Variants in PRSS54 observed in about 807,000 individuals in gnomAD.
PRSS54 encodes the protein inactive serine protease 54.
Under a neutral mutation model 19.9 loss-of-function variants are expected in PRSS54, and 16 were observed. That is an observed-to-expected ratio of 0.80 (90% CI 0.54 to 1.22). The LOEUF (loss-of-function observed/expected upper bound fraction) is 1.22. Among genes scored for constraint, PRSS54 ranks in the 50% most tolerant of loss-of-function variants. The pLI is 0.00. For missense variants in PRSS54, 444 were observed against 494.8 expected (o/e 0.90, Z 0.97); for synonymous variants, 177 against 195.8 (o/e 0.90, Z 0.80).
chr16:58,292,733 G>A (rs1217877833), intron 3 of PRSS54, among the ~76,000 whole-genome samples: 3 of 152,152 alleles, frequency 2.0e-5, no homozygotes, highest in African/African-American at 2.4e-5. Flanking sequence ...GGCAATCTAC[G>A]GTGCAAGGCA....
At chr16:58,294,513 G>A (rs1183138594) in intron 1 of PRSS54, among the ~76,000 whole-genome samples, 1 of 152,082 alleles carries the variant, frequency 6.6e-6, no homozygotes, top group South Asian at 2.1e-4. Context: ...ACCACGCCCA[G>A]CTAATTTTTG....
At chr16:58,291,889 G>A (rs745694050) in intron 3 of PRSS54, among the ~76,000 whole-genome samples, 2 of 152,050 alleles carry the variant, frequency 1.3e-5, no homozygotes, top group African/African-American at 4.8e-5. Flanking sequence ...CACTGTGATG[G>A]CTAGTAGTAT....
Position 58,285,978 on chromosome 16 carries a change from A to G in PRSS54, c.481T>C (p.Leu161=), listed in dbSNP as rs1266846799. ...CATCCTGACACCCAGCAGTTCTGCA[A>G]GACTGGTGGTGTATGCAGCATTCTG... ...LGRMLHTPPV[L]QNCWVSGWNP... The change falls in exon 5 of 7, where the codon TTG becomes CTG. Residue 161 remains leucine, a synonymous_variant. Coordinates refer to ENST00000567164, the MANE Select transcript of PRSS54 (RefSeq NM_001305173.2). The G allele has an allele frequency of 6.2e-7, 1 of 1,614,168 alleles. No individual in the cohort carries two copies. The highest frequency in any genetic ancestry group is 8.5e-7 in the Non-Finnish European group (1 of 1,180,016).
At position 58,290,959 on chromosome 16, in the gene PRSS54, C is replaced by G; in HGVS notation, c.263G>C (p.Arg88Thr). 1 of 1,614,152 alleles carries G rather than the reference C, an allele frequency of 6.2e-7. No individual in the cohort carries two copies. The highest frequency in any genetic ancestry group is 1.1e-5 in the South Asian group (1 of 91,076). The change falls in exon 4 of 7, where the codon AGG (arginine) becomes ACG (threonine). Residue 88 changes from arginine to threonine, a missense_variant and splice_region_variant. Arg to Thr is a moderately conservative substitution (Grantham distance 71, BLOSUM62 -1). Transcript: ENST00000567164. The part of the protein sequence containing the change: ...VLSIASAIQN[R>T]KDIVVIVGIS... Reference sequence around the variant, plus strand: ...GGGCCCCAAAGGCAGGGGCACTGGCCTGTTCTGAATGGCGGATGCGATGCT... The same window carrying G: ...GGGCCCCAAAGGCAGGGGCACTGGCGTGTTCTGAATGGCGGATGCGATGCT...
intron 6 of PRSS54, chr16:58,283,173 T>C (rs1964825059): frequency 6.6e-6 from 1 of 152,228 alleles, no homozygotes; most frequent in Admixed American, 6.5e-5. Flanking sequence ...TCTGCTTTTG[T>C]TGGGTTTCAG....
intron 4 of PRSS54, among the ~76,000 whole-genome samples, chr16:58,287,821 A>G (rs1231661451): frequency 1.3e-5 from 2 of 152,134 alleles, no homozygotes; most frequent in Non-Finnish European, 1.5e-5. Flanking sequence ...ATCTTAATTA[A>G]GTTTGGCTGT....
At chr16:58,294,499 C>T (rs1965104744) in intron 1 of PRSS54, among the ~76,000 whole-genome samples, 1 of 152,058 alleles carries the variant, frequency 6.6e-6, no homozygotes. Flanking sequence ...TACAGATGTG[C>T]GCCACCACGC....
chr16:58,284,386 G>T, intron 6 of PRSS54: 1 of 525,216 alleles, frequency 1.9e-6, no homozygotes, highest in Non-Finnish European at 3.4e-6. Context: ...ATGTTACACT[G>T]AAAATCGTGA....
intron 6 of PRSS54, chr16:58,281,405 C>T (rs1177130760): frequency 6.5e-6 from 1 of 152,716 alleles, no homozygotes; most frequent in Non-Finnish European, 1.5e-5. Flanking sequence ...CAGTGCCTGG[C>T]ACACAGCAAA....
At chr16:58,291,733 T>C (rs1327009919) in intron 3 of PRSS54, among the ~76,000 whole-genome samples, 1 of 152,176 alleles carries the variant, frequency 6.6e-6, no homozygotes, top group Non-Finnish European at 1.5e-5. Context: ...TCCTCCCTCC[T>C]CAGCCTCCCA....
At chr16:58,286,725 G>A (rs1964927880) in intron 4 of PRSS54, among the ~76,000 whole-genome samples, 4 of 152,074 alleles carry the variant, frequency 2.6e-5, no homozygotes, top group Admixed American at 2.0e-4. Context: ...ATGAGAATGA[G>A]GAACAAATAC....
At chr16:58,290,329 T>C (rs1965011624) in intron 4 of PRSS54, among the ~76,000 whole-genome samples, 1 of 152,124 alleles carries the variant, frequency 6.6e-6, no homozygotes, top group Non-Finnish European at 1.5e-5. Flanking sequence ...ATTTCCTTAA[T>C]GTTGATTCCC....
intron 4 of PRSS54, 103 bp downstream of exon 4, chr16:58,290,856 C>G (rs1307394259): frequency 9.9e-6 from 13 of 1,314,548 alleles, no homozygotes; most frequent in East Asian, 7.0e-5. Context: ...CCCTGTCCCC[C>G]CAGAATGCAC....
At chr16:58,286,294 TC>T in intron 4 of PRSS54, 99 bp from the exon 5 acceptor site, 2 of 1,263,384 alleles carry the variant, frequency 1.6e-6, no homozygotes, top group African/African-American at 1.5e-5. Flanking sequence ...GGAACACTCA[TC>T]CAGCTCATAT....
Position 58,280,776 on chromosome 16 carries a change from G to A in PRSS54, c.655-19C>T, listed in dbSNP as rs1267715597. 1 of 1,576,872 alleles carries A rather than the reference G, an allele frequency of 6.3e-7. No individual in the cohort carries two copies. The highest frequency in any genetic ancestry group is 1.8e-5 in the Admixed American group (1 of 54,498). On this transcript the variant is annotated intron_variant, in intron 6 of 6. Coordinates refer to ENST00000567164, the MANE Select transcript of PRSS54 (RefSeq NM_001305173.2). ...GGTCCCCCTGTGATAAAAGACAGAA[G>A]GCTTCAAGTCTTAGAAAAACTAGTT...
intron 3 of PRSS54, among the ~76,000 whole-genome samples, chr16:58,293,084 TGAGA>T (rs1053557355): frequency 6.6e-5 from 10 of 150,770 alleles, no homozygotes; most frequent in African/African-American, 2.4e-4. Context: ...TGTGTGTGTT[TGAGA>T]GTGTGTGTGT....
intron 4 of PRSS54, among the ~76,000 whole-genome samples, chr16:58,288,841 GA>G (rs1964975168): frequency 6.6e-6 from 1 of 152,146 alleles, no homozygotes; most frequent in Admixed American, 6.5e-5. Context: ...GTACCAATAA[GA>G]AAAGGTCTCC....
intron 4 of PRSS54, among the ~76,000 whole-genome samples, chr16:58,286,654 A>C (rs574254662): frequency 6.6e-6 from 1 of 152,326 alleles, no homozygotes; most frequent in African/African-American, 2.4e-5. Flanking sequence ...TGAAGTTCTA[A>C]TGACAATAGA....
chr16:58,289,824 G>A (rs1316310598), intron 4 of PRSS54, among the ~76,000 whole-genome samples: 4 of 151,946 alleles, frequency 2.6e-5, no homozygotes, highest in African/African-American at 7.3e-5. Context: ...TGATCCGCCC[G>A]TCTCAGCCTC....
Sources: gnomAD v4.1 joint callset for allele counts (sites outside exome capture counted in the v4.1 genomes callset) on GRCh38, gnomAD v4.1.1 for gene constraint, MANE v1.5 for transcripts, NCBI Gene and HGNC (gene_info 2026-07-23, HGNC 2026-07-21) for gene names.